RFX8: variants seen among roughly 807,000 people sequenced by gnomAD.
RFX8 encodes DNA-binding protein RFX8.
A neutral mutation model predicts 54.6 loss-of-function variants in RFX8; 46 were observed. That is an observed-to-expected ratio of 0.84 (90% CI 0.67 to 1.08). The LOEUF (loss-of-function observed/expected upper bound fraction) is 1.08, where lower values mean the gene tolerates loss of function less well. Among genes scored for constraint, RFX8 ranks in the 50% least tolerant of loss-of-function variants. The probability of loss-of-function intolerance (pLI) is 0.00; values close to 1 mark genes in which losing one functional copy is unlikely to be tolerated. For missense variants in RFX8, 536 were observed against 562.3 expected (o/e 0.95, Z 0.47); for synonymous variants, 192 against 209.5 (o/e 0.92, Z 0.72).
At chr2:101,429,166 G>C in intron 2 of RFX8, 1 of 561,812 alleles carries the variant, frequency 1.8e-6, no homozygotes, top group Non-Finnish European at 3.2e-6. Context: ...TCCACGAATG[G>C]TAATTATCAC....
At chr2:101,404,253 C>T (rs577352637) in intron 10 of RFX8, among the ~76,000 whole-genome samples, 1 of 152,274 alleles carries the variant, frequency 6.6e-6, no homozygotes, top group South Asian at 2.1e-4. Context: ...GAGATCATTG[C>T]CCCCGTGGAA....
At chr2:101,412,575 C>A (rs1158985098) in intron 8 of RFX8, among the ~76,000 whole-genome samples, 1 of 152,174 alleles carries the variant, frequency 6.6e-6, no homozygotes, top group South Asian at 2.1e-4. Flanking sequence ...GTGTGTACAA[C>A]ACAGATGCAG....
intron 2 of RFX8, among the ~76,000 whole-genome samples, chr2:101,432,699 A>C (rs1438527039): frequency 2.0e-5 from 3 of 152,194 alleles, no homozygotes; most frequent in South Asian, 2.1e-4. Context: ...CTGTGATCAA[A>C]AGCACAGTCA....
rs532736654 is a variant in RFX8, at chr2:101,400,904, C to T, written c.1245+1532G>A. 9.5e-4 allele frequency among the ~76,000 whole-genome samples: 144 copies of T among 152,276 alleles called. 3 individuals carry two copies. In the South Asian group the frequency reaches 0.029, roughly 31 times the overall value. On this transcript the variant is annotated intron_variant, in intron 11 of 11. Coordinates refer to ENST00000428343, the MANE Select transcript of RFX8 (RefSeq NM_001145664.2). ...GGAGAGCCATCCTCCTAGGTATAGCCTAGCCAAGCCATCGCCTCTTCAGAT... is the reference window on the plus strand; with the variant it reads ...GGAGAGCCATCCTCCTAGGTATAGCTTAGCCAAGCCATCGCCTCTTCAGAT...
intron 2 of RFX8, among the ~76,000 whole-genome samples, chr2:101,439,806 G>A (rs1475166687): frequency 6.6e-6 from 1 of 151,788 alleles, no homozygotes; most frequent in Non-Finnish European, 1.5e-5. Flanking sequence ...TCCACCTCCT[G>A]GGTTCAAGCG....
chr2:101,463,278 G>A (rs1362304269), intron 2 of RFX8, among the ~76,000 whole-genome samples: 2 of 152,240 alleles, frequency 1.3e-5, no homozygotes, highest in African/African-American at 4.8e-5. Flanking sequence ...AGGTAGAGAG[G>A]AGAGGACACA....
intron 1 of RFX8, among the ~76,000 whole-genome samples, chr2:101,472,235 G>A (rs1230111596): frequency 6.6e-6 from 1 of 152,128 alleles, no homozygotes; most frequent in African/African-American, 2.4e-5. Flanking sequence ...AGAGTAGCTG[G>A]GATTTACAGG....
At chr2:101,471,303 C>T (rs80227720) in intron 1 of RFX8, among the ~76,000 whole-genome samples, 6,027 of 152,024 alleles carry the variant, frequency 0.04, 391 homozygotes, top group African/African-American at 0.13. Flanking sequence ...CACTGCACTC[C>T]AGGCTGGGAG....
intron 9 of RFX8, among the ~76,000 whole-genome samples, chr2:101,407,047 A>G (rs1277761202): frequency 6.6e-6 from 1 of 152,172 alleles, no homozygotes; most frequent in East Asian, 1.9e-4. Flanking sequence ...GTAAGCCATG[A>G]GTCATGGATT....
intron 9 of RFX8, among the ~76,000 whole-genome samples, chr2:101,406,681 A>G (rs994190180): frequency 2.6e-5 from 4 of 152,168 alleles, no homozygotes; most frequent in Non-Finnish European, 5.9e-5. Flanking sequence ...GTGATGTGTG[A>G]CACAGAAACA....
chr2:101,406,024 C>T lies in RFX8; in HGVS notation c.847G>A (p.Ala283Thr). 3.2e-6 allele frequency: 5 copies of T among 1,547,444 alleles called. No individual in the cohort carries two copies. The highest frequency in any genetic ancestry group is 4.4e-6 in the Non-Finnish European group (5 of 1,145,170). Reference protein sequence around the residue: ...SRSKEEFTKLAASFQLRWNLL... With the variant: ...SRSKEEFTKLTASFQLRWNLL... ...TTCCATCTCAGCTGGAAGCTGGCGG[C>T]CAATTTGGTAAACTCTTCTTTGCTT... Residue 283 changes from alanine to threonine, a missense_variant, in exon 10 of 12, where the codon GCC becomes ACC. Ala to Thr is a moderately conservative substitution (Grantham distance 58). Coordinates refer to ENST00000428343, the MANE Select transcript of RFX8 (RefSeq NM_001145664.2).
chr2:101,421,351 T>A (rs907725858), intron 4 of RFX8: 48 of 996,798 alleles, frequency 4.8e-5, no homozygotes, highest in Admixed American at 6.0e-5. Context: ...TCCTGCTCCA[T>A]CTTCAGTTAG....
intron 4 of RFX8, among the ~76,000 whole-genome samples, chr2:101,419,988 G>A (rs1201306686): frequency 6.6e-6 from 1 of 152,118 alleles, no homozygotes; most frequent in African/African-American, 2.4e-5. Context: ...ACCCTGTTGC[G>A]CTTGCCTCTG....
At chr2:101,419,013 A>C (rs1019750019) in intron 4 of RFX8, 49 bp from the exon 5 acceptor site, 11 of 937,304 alleles carry the variant, frequency 1.2e-5, no homozygotes, top group Middle Eastern at 2.8e-4. Flanking sequence ...TCCACCTCGC[A>C]AGACTAACCC....
chr2:101,397,756 T>C (rs1374795048), intron 11 of RFX8, 32 bp from the exon 12 acceptor site: 13 of 1,518,364 alleles, frequency 8.6e-6, no homozygotes, highest in East Asian at 2.5e-5. Context: ...AGGGAAAAGA[T>C]AAAAAGAGAC....
At chr2:101,471,119 A>C (rs1394124166) in intron 1 of RFX8, among the ~76,000 whole-genome samples, 1 of 151,836 alleles carries the variant, frequency 6.6e-6, no homozygotes, top group Non-Finnish European at 1.5e-5. Flanking sequence ...AGATCACCTG[A>C]GGTCAGGAGT....
At chr2:101,404,040 C>G (rs1685592645) in intron 10 of RFX8, among the ~76,000 whole-genome samples, 1 of 152,198 alleles carries the variant, frequency 6.6e-6, no homozygotes, top group Non-Finnish European at 1.5e-5. Context: ...TGAGGGTCAT[C>G]TGCATTATCA....
At chr2:101,418,804 C>A (rs913578190) in intron 5 of RFX8, 47 bp downstream of exon 5, 1 of 1,246,202 alleles carries the variant, frequency 8.0e-7, no homozygotes, top group Admixed American at 2.0e-5. Context: ...GCATTTGCTG[C>A]CAATTTCTGC....
At chr2:101,449,499 G>T (rs1175662436) in intron 2 of RFX8, among the ~76,000 whole-genome samples, 1 of 152,158 alleles carries the variant, frequency 6.6e-6, no homozygotes, top group African/African-American at 2.4e-5. Flanking sequence ...GTGACCCACG[G>T]GGGTCAGGGG....
Sources: gnomAD v4.1 joint callset for allele counts (sites outside exome capture counted in the v4.1 genomes callset) on GRCh38, gnomAD v4.1.1 for gene constraint, MANE v1.5 for transcripts, NCBI Gene and HGNC (gene_info 2026-07-23, HGNC 2026-07-21) for gene names.